CACNG3: variants seen among roughly 807,000 people sequenced by gnomAD.
The protein encoded by CACNG3 is voltage-dependent calcium channel gamma-3 subunit.
Under a neutral mutation model 28.5 loss-of-function variants are expected in CACNG3, and 3 were observed. The ratio of observed to expected loss-of-function variants is 0.11; its 90% CI spans 0.05 to 0.27. CACNG3 has a LOEUF of 0.27. Among genes scored for constraint, CACNG3 ranks in the 10% least tolerant of loss-of-function variants. The pLI is 1.00. For missense variants in CACNG3, 236 were observed against 414.4 expected, an observed-to-expected ratio of 0.57 and a Z score of 3.74; for synonymous variants, 174 against 162.2, an observed-to-expected ratio of 1.07 and a Z score of -0.55.
chr16:24,325,259 G>A (rs1217139893), intron 1 of CACNG3, among the ~76,000 whole-genome samples: 1 of 152,178 alleles, frequency 6.6e-6, no homozygotes. Flanking sequence ...GCAGAGGTGG[G>A]TACATGTGGT....
At chr16:24,295,814 C>T (rs1414790675) in intron 1 of CACNG3, among the ~76,000 whole-genome samples, 2 of 152,130 alleles carry the variant, frequency 1.3e-5, no homozygotes, top group Non-Finnish European at 2.9e-5. Context: ...TGCCACTGCA[C>T]TCCAGCCTGG....
At chr16:24,272,242 A>C (rs1898700401) in intron 1 of CACNG3, among the ~76,000 whole-genome samples, 1 of 152,166 alleles carries the variant, frequency 6.6e-6, no homozygotes, top group African/African-American at 2.4e-5. Context: ...TAATGCAAAA[A>C]CATGTTCTCA....
At chr16:24,264,355 A>T (rs889490901) in intron 1 of CACNG3, among the ~76,000 whole-genome samples, 2 of 152,240 alleles carry the variant, frequency 1.3e-5, no homozygotes, top group African/African-American at 4.8e-5. Context: ...GTATGGGTCA[A>T]CTACAGTCTC....
chr16:24,355,367 A>T (rs982015336), intron 3 of CACNG3, among the ~76,000 whole-genome samples: 2 of 34,838 alleles, frequency 5.7e-5, no homozygotes, highest in African/African-American at 2.6e-4. Flanking sequence ...TGAGCCCAGG[A>T]GTTCGAGACC....
At chr16:24,263,950 T>A (rs1013463375) in intron 1 of CACNG3, among the ~76,000 whole-genome samples, 1 of 152,170 alleles carries the variant, frequency 6.6e-6, no homozygotes, top group African/African-American at 2.4e-5. Context: ...AATGATTGAG[T>A]GCTGGATTGG....
chr16:24,265,388 AAAG>A (rs1898590276), intron 1 of CACNG3, among the ~76,000 whole-genome samples: 1 of 151,232 alleles, frequency 6.6e-6, no homozygotes, highest in Admixed American at 6.6e-5. Flanking sequence ...GAAAGAAAAG[AAAG>A]AAGAAAGAAA....
intron 1 of CACNG3, among the ~76,000 whole-genome samples, chr16:24,325,023 C>T (rs895864077): frequency 6.6e-6 from 1 of 152,172 alleles, no homozygotes; most frequent in Non-Finnish European, 1.5e-5. Flanking sequence ...CATTGTCCTC[C>T]CCATCCCCTT....
intron 1 of CACNG3, among the ~76,000 whole-genome samples, chr16:24,329,351 G>A (rs1899602854): frequency 6.6e-6 from 1 of 152,196 alleles, no homozygotes; most frequent in African/African-American, 2.4e-5. Context: ...GGGCAGAGCT[G>A]ACCAGCGAAG....
In CACNG3 at chr16:24,282,593, T is replaced by A. The variant is rs75126329; in HGVS notation, c.211+25628T>A. On this transcript the variant is annotated intron_variant, in intron 1 of 3. Coordinates refer to ENST00000005284, the MANE Select transcript of CACNG3 (RefSeq NM_006539.4). Reference sequence around the variant, plus strand: ...CCCAGCCTCATTAACTTTCCTTCTGTGATTGTTATAGGTGGACATGAGAGT... The same window carrying A: ...CCCAGCCTCATTAACTTTCCTTCTGAGATTGTTATAGGTGGACATGAGAGT... Among the ~76,000 whole-genome samples, 4 of 152,200 alleles carry A rather than the reference T, an allele frequency of 2.6e-5. No individual in the cohort carries two copies. The East Asian group carries it at 7.7e-4, about 29-fold the overall frequency.
intron 2 of CACNG3, among the ~76,000 whole-genome samples, chr16:24,349,513 G>C (rs1008216808): frequency 1.3e-5 from 2 of 152,240 alleles, no homozygotes; most frequent in African/African-American, 4.8e-5. Flanking sequence ...TTCCAGGAAA[G>C]GGGTAGGCGA....
chr16:24,352,462 T>A (rs1899962403), intron 2 of CACNG3, among the ~76,000 whole-genome samples: 1 of 152,162 alleles, frequency 6.6e-6, no homozygotes. Context: ...TGTTACCACC[T>A]CAGGTCTACC....
At chr16:24,357,227 C>T (rs911473014) in intron 3 of CACNG3, among the ~76,000 whole-genome samples, 4 of 109,942 alleles carry the variant, frequency 3.6e-5, no homozygotes, top group Admixed American at 1.0e-4. Context: ...AGTGACACTC[C>T]ATCTTAAAAA....
chr16:24,329,913 G>A (rs1479804443), intron 1 of CACNG3, among the ~76,000 whole-genome samples: 1 of 152,184 alleles, frequency 6.6e-6, no homozygotes, highest in Non-Finnish European at 1.5e-5. Flanking sequence ...GCATGCACCT[G>A]TAATTCCAGC....
At chr16:24,267,033 C>A (rs1898619807) in intron 1 of CACNG3, among the ~76,000 whole-genome samples, 1 of 149,054 alleles carries the variant, frequency 6.7e-6, no homozygotes, top group African/African-American at 2.5e-5. Context: ...GTGGCACGAT[C>A]TCGGCTTAGT....
intron 1 of CACNG3, among the ~76,000 whole-genome samples, chr16:24,272,097 C>T (rs1037001826): frequency 6.9e-6 from 1 of 145,020 alleles, no homozygotes; most frequent in Non-Finnish European, 1.5e-5. Context: ...TTTTCTCTCT[C>T]TCTTTTTTTT....
chr16:24,294,482 C>T (rs1227530349), intron 1 of CACNG3, among the ~76,000 whole-genome samples: 1 of 152,120 alleles, frequency 6.6e-6, no homozygotes, highest in Non-Finnish European at 1.5e-5. Context: ...CCAGGGGATG[C>T]TTGGCAAGGA....
At position 24,256,676 on chromosome 16, in the gene CACNG3, C is replaced by T; in HGVS notation, c.-79C>T. 1 of 945,596 alleles carries T rather than the reference C, an allele frequency of 1.1e-6. No individual in the cohort carries two copies. The highest frequency in any genetic ancestry group is 2.4e-5 in the East Asian group (1 of 41,834). The allele number at this position is 945,596 out of a possible 1,614,324, so 58.6% of individuals were successfully genotyped here. A position where few individuals can be genotyped will look rare whatever the true frequency, so the allele number is the denominator to read the frequency against. On this transcript the variant is annotated 5_prime_UTR_variant, in exon 1 of 4. Transcript: ENST00000005284. The surrounding 1 kb of genome is among the most constrained non-coding windows in gnomAD (Gnocchi z 4.6). ...TTTGGAAGAGCCTGTACTAGGTTAC[C>T]CGGCTGCAGAGTGATTTTCCCCTCC...
At chr16:24,282,406 C>CTT (rs11457090) in intron 1 of CACNG3, among the ~76,000 whole-genome samples, 19 of 146,140 alleles carry the variant, frequency 1.3e-4, no homozygotes, top group South Asian at 4.3e-4. Context: ...TCATTACTTC[C>CTT]TTTTTTTTTT....
chr16:24,259,309 T>A (rs527437240), intron 1 of CACNG3, among the ~76,000 whole-genome samples: 19 of 152,220 alleles, frequency 1.2e-4, no homozygotes, highest in Admixed American at 6.5e-5. Context: ...CCAAGATGTG[T>A]ACTAAACACA....
Sources: gnomAD v4.1 joint callset for allele counts (sites outside exome capture counted in the v4.1 genomes callset) on GRCh38, gnomAD v4.1.1 for gene constraint, Gnocchi (gnomAD v3.1) non-coding constraint, MANE v1.5 for transcripts, NCBI Gene and HGNC (gene_info 2026-07-23, HGNC 2026-07-21) for gene names.